VPS13B: variants seen among roughly 807,000 people sequenced by gnomAD.
The protein encoded by VPS13B is intermembrane lipid transfer protein VPS13B.
A neutral mutation model predicts 426.4 loss-of-function variants in VPS13B; 285 were observed. The observed-to-expected ratio is 0.67, with a 90% CI of 0.61 to 0.74. VPS13B has a LOEUF of 0.74. Among genes scored for constraint, VPS13B ranks in the 30% least tolerant of loss-of-function variants. VPS13B has a pLI of 0.00. For synonymous variants in VPS13B, 1,676 were observed against 1,676.4 expected, an observed-to-expected ratio of 1.00 and a Z score of 0.01; for missense variants, 4,537 against 4,782.6, an observed-to-expected ratio of 0.95 and a Z score of 1.51.
chr8:99,124,334 G>A (rs1848085947), intron 8 of VPS13B, among the ~76,000 whole-genome samples: 1 of 152,190 alleles, frequency 6.6e-6, no homozygotes, highest in African/African-American at 2.4e-5. Flanking sequence ...GTAAAATAGT[G>A]CGTCTGCTGT....
At chr8:99,242,493 A>T (rs1426265577) in intron 17 of VPS13B, among the ~76,000 whole-genome samples, 1 of 152,204 alleles carries the variant, frequency 6.6e-6, no homozygotes, top group African/African-American at 2.4e-5. Flanking sequence ...ATAGGTTTAT[A>T]AATATTTGCA....
intron 54 of VPS13B, among the ~76,000 whole-genome samples, chr8:99,839,922 A>G (rs1815595416): frequency 6.6e-6 from 1 of 152,170 alleles, no homozygotes; most frequent in South Asian, 2.1e-4. Flanking sequence ...GACATCACAG[A>G]TTGTTTATTT....
intron 3 of VPS13B, among the ~76,000 whole-genome samples, chr8:99,049,340 T>G (rs1843402294): frequency 6.6e-6 from 1 of 152,180 alleles, no homozygotes; most frequent in Admixed American, 6.5e-5. Context: ...TAGCAGTTCT[T>G]GTAGTGCTGG....
intron 19 of VPS13B, among the ~76,000 whole-genome samples, chr8:99,335,960 A>G (rs1423662320): frequency 8.5e-5 from 13 of 152,352 alleles, no homozygotes; most frequent in South Asian, 8.3e-4. Flanking sequence ...TATAGATTCA[A>G]TGCCATCCCC....
At chr8:99,825,038 A>G (rs1814591334) in intron 51 of VPS13B, among the ~76,000 whole-genome samples, 3 of 152,238 alleles carry the variant, frequency 2.0e-5, no homozygotes, top group African/African-American at 7.2e-5. Flanking sequence ...CAATAAACAT[A>G]CATGTGCATG....
intron 30 of VPS13B, among the ~76,000 whole-genome samples, chr8:99,535,535 A>T (rs994653382): frequency 2.6e-5 from 4 of 152,232 alleles, no homozygotes; most frequent in Non-Finnish European, 4.4e-5. Context: ...TGAGAAAGGT[A>T]ATGAAAAATA....
At chr8:99,669,270 T>C (rs976394824) in intron 35 of VPS13B, among the ~76,000 whole-genome samples, 2 of 152,066 alleles carry the variant, frequency 1.3e-5, no homozygotes, top group Non-Finnish European at 2.9e-5. Context: ...AATGCAATTT[T>C]TTTTTAATTT....
chr8:99,358,035 C>CCA (rs1554751597), intron 19 of VPS13B, among the ~76,000 whole-genome samples: 1 of 147,868 alleles, frequency 6.8e-6, no homozygotes, highest in Non-Finnish European at 1.5e-5. Flanking sequence ...CACACACACA[C>CCA]CACACACACT....
At chr8:99,768,208 C>A (rs1811323497) in intron 40 of VPS13B, among the ~76,000 whole-genome samples, 1 of 152,174 alleles carries the variant, frequency 6.6e-6, no homozygotes, top group Admixed American at 6.5e-5. Flanking sequence ...GCCACTTCTC[C>A]TGATGGGCTG....
chr8:99,835,412 A>G, intron 53 of VPS13B, 88 bp downstream of exon 53: 3 of 1,506,808 alleles, frequency 2.0e-6, no homozygotes, highest in Non-Finnish European at 1.8e-6. Context: ...TGATCCTGTG[A>G]AAAAAATATT....
At chr8:99,567,739 C>T (rs1369966131) in intron 31 of VPS13B, among the ~76,000 whole-genome samples, 2 of 152,044 alleles carry the variant, frequency 1.3e-5, no homozygotes, top group African/African-American at 4.8e-5. Flanking sequence ...ACTTATCATA[C>T]CTTATGATTA....
At chr8:99,515,841 G>A (rs1822040351) in intron 29 of VPS13B, among the ~76,000 whole-genome samples, 1 of 152,008 alleles carries the variant, frequency 6.6e-6, no homozygotes, top group Non-Finnish European at 1.5e-5. Flanking sequence ...TTAGCCTTTT[G>A]TACAAAGGTC....
chr8:99,150,977 T>A (rs1477826137), intron 14 of VPS13B, among the ~76,000 whole-genome samples: 1 of 152,236 alleles, frequency 6.6e-6, no homozygotes, highest in East Asian at 1.9e-4. Context: ...CCAAAGTGGC[T>A]GTATGATTTT....
intron 15 of VPS13B, among the ~76,000 whole-genome samples, chr8:99,167,476 G>A (rs1020532220): frequency 2.0e-5 from 3 of 151,842 alleles, no homozygotes; most frequent in African/African-American, 7.3e-5. Flanking sequence ...ATTATTTATT[G>A]TATATCATAA....
At chr8:99,431,935 G>C (rs1349861930) in intron 22 of VPS13B, among the ~76,000 whole-genome samples, 3 of 151,814 alleles carry the variant, frequency 2.0e-5, no homozygotes, top group Admixed American at 1.3e-4. Flanking sequence ...TTTTGTTTAA[G>C]CATTATTTTC....
intron 21 of VPS13B, among the ~76,000 whole-genome samples, chr8:99,413,350 G>A (rs945060524): frequency 2.1e-4 from 32 of 152,146 alleles, no homozygotes; most frequent in African/African-American, 6.3e-4. Context: ...TTGCATAGAG[G>A]TGTTTATAGT....
At chr8:99,516,787 CAAAAAAAAAAAA>C (rs528490868) in intron 29 of VPS13B, among the ~76,000 whole-genome samples, 22 of 16,708 alleles carry the variant, frequency 1.3e-3, no homozygotes, top group East Asian at 5.3e-3. Context: ...GACCGTGTCT[CAAAAAAAAAAAA>C]AAAAAAAAAA....
At chr8:99,761,457 T>C (rs1412513237) in intron 39 of VPS13B, among the ~76,000 whole-genome samples, 1 of 152,228 alleles carries the variant, frequency 6.6e-6, no homozygotes, top group Non-Finnish European at 1.5e-5. Flanking sequence ...CCACAGCAGT[T>C]CCCATCTTGG....
At position 99,397,465 on chromosome 8, in the gene VPS13B, A is replaced by AT. The variant is rs1195449180; in HGVS notation, c.3082+5768dup. 4.6e-5 allele frequency among the ~76,000 whole-genome samples: 7 copies of AT among 152,014 alleles called. No homozygotes were observed. The South Asian group carries it at 8.3e-4, about 18-fold the overall frequency. ...GCCTGAGTAGAATATTTCTAATTAC[A>AT]TTTTTTTGCTGACCTCATTTCAAGG... On this transcript the variant is annotated intron_variant, in intron 21 of 61. Coordinates refer to ENST00000357162, the MANE Select transcript of VPS13B (RefSeq NM_152564.5).
Sources: allele counts gnomAD v4.1 joint callset (sites outside exome capture counted in the v4.1 genomes callset), GRCh38; gene constraint gnomAD v4.1.1; transcripts MANE v1.5; gene names NCBI Gene and HGNC (gene_info 2026-07-23, HGNC 2026-07-21).